CCND3: variants seen among roughly 807,000 people sequenced by gnomAD.
The protein encoded by CCND3 is G1/S-specific cyclin-D3.
CCND3 carries 9 observed loss-of-function variants against 28.7 expected under a neutral mutation model. The observed-to-expected ratio is 0.31, with a 90% CI of 0.19 to 0.55. CCND3 has a LOEUF of 0.55. Among genes scored for constraint, CCND3 ranks in the 20% least tolerant of loss-of-function variants. CCND3 has a pLI of 0.93. For missense variants in CCND3, 315 were observed against 385.8 expected (o/e 0.82, Z 1.54); for synonymous variants, 164 against 163.9 (o/e 1.00, Z 0.00).
At chr6:41,979,862 C>T (rs1262487599) in intron 1 of CCND3, among the ~76,000 whole-genome samples, 5 of 152,086 alleles carry the variant, frequency 3.3e-5, no homozygotes, top group Non-Finnish European at 7.3e-5. Context: ...CCACCAACTC[C>T]TGGTCTCAAG....
In CCND3 at chr6:41,936,370, C is replaced by G. The variant is rs1775794852; in HGVS notation, c.711+189G>C. On this transcript the variant is annotated intron_variant, in intron 4 of 4. Transcript: ENST00000372991. This position sits in a 1 kb window ranked among gnomAD's most constrained non-coding sequence, Gnocchi z 4.4. ...AAGAAAAGAACCCCTAGGGCCAGTG[C>G]CCTTCACCCCACCCAAGATACTTGC... 8 of 718,440 alleles carry G rather than the reference C, an allele frequency of 1.1e-5. No individual in the cohort carries two copies. In the Admixed American group the frequency reaches 1.5e-4, roughly 13 times the overall value. 44.5% of individuals were successfully genotyped at this position (718,440 alleles called of 1,614,324 possible). A position where few individuals can be genotyped will look rare whatever the true frequency, so the allele number is the denominator to read the frequency against.
intron 1 of CCND3, among the ~76,000 whole-genome samples, chr6:42,026,193 C>T (rs1455158545): frequency 6.6e-6 from 1 of 152,164 alleles, no homozygotes. Flanking sequence ...GCTCACATTA[C>T]ATTTGACCTT....
chr6:41,941,245 G>A lies in CCND3; in HGVS notation c.198+207C>T, dbSNP rs1776004605. 1.4e-6 allele frequency: 2 copies of A among 1,433,450 alleles called. No individual in the cohort carries two copies. Among genetic ancestry groups the A allele is most frequent in the African/African-American group, 1.4e-5 (1 of 69,590 alleles). The allele number at this position is 1,433,450 out of a possible 1,614,324, so 88.8% of individuals were successfully genotyped here. On this transcript the variant is annotated intron_variant, in intron 1 of 4. Transcript: ENST00000372991. The surrounding 1 kb of genome is among the most constrained non-coding windows in gnomAD (Gnocchi z 6.1). ...GGCACAGTTAGGGTGCCAAGTGACTGGCAGTCACTGTCGGGAGGAGCCGAT... is the reference window on the plus strand; with the variant it reads ...GGCACAGTTAGGGTGCCAAGTGACTAGCAGTCACTGTCGGGAGGAGCCGAT...
At chr6:41,947,529 C>T (rs1313635673) in intron 1 of CCND3, among the ~76,000 whole-genome samples, 1 of 152,232 alleles carries the variant, frequency 6.6e-6, no homozygotes, top group East Asian at 1.9e-4. Context: ...ATTCCTGACT[C>T]CTCTTTCTCA....
At chr6:42,047,390 T>C (rs1280796493) in intron 1 of CCND3, among the ~76,000 whole-genome samples, 2 of 152,196 alleles carry the variant, frequency 1.3e-5, no homozygotes, top group Non-Finnish European at 1.5e-5. Flanking sequence ...AGCCCCAGAA[T>C]TGAACGGCCA....
At chr6:41,983,369 C>CAA (rs1418315259) in intron 1 of CCND3, among the ~76,000 whole-genome samples, 5 of 59,732 alleles carry the variant, frequency 8.4e-5, no homozygotes, top group Non-Finnish European at 7.0e-5. Flanking sequence ...GACTCTGTCT[C>CAA]AAAAAAAAAA....
chr6:41,941,688 G>T lies in CCND3; in HGVS notation c.-39C>A, dbSNP rs933899296. 7.6e-7 allele frequency: 1 copy of T among 1,324,214 alleles called. No homozygotes were observed. The highest frequency in any genetic ancestry group is 9.7e-7 in the Non-Finnish European group (1 of 1,031,694). 82.0% of individuals were successfully genotyped at this position (1,324,214 alleles called of 1,614,324 possible). A position where few individuals can be genotyped will look rare whatever the true frequency, so the allele number is the denominator to read the frequency against. On this transcript the variant is annotated 5_prime_UTR_variant, in exon 1 of 5. Coordinates refer to ENST00000372991, the MANE Select transcript of CCND3 (RefSeq NM_001760.5). The surrounding 1 kb of genome is among the most constrained non-coding windows in gnomAD (Gnocchi z 6.1). Reference sequence around the variant, plus strand: ...ACAGGCAGGGCGGGAGTGCGGGCTCGCGAGTCCCAAGGCAGGCGACGGGCC... The same window carrying T: ...ACAGGCAGGGCGGGAGTGCGGGCTCTCGAGTCCCAAGGCAGGCGACGGGCC...
chr6:42,016,647 G>A (rs140881081), intron 1 of CCND3, among the ~76,000 whole-genome samples: 2,829 of 148,810 alleles, frequency 0.019, 84 homozygotes, highest in African/African-American at 0.066. Flanking sequence ...GTGCACTGGC[G>A]CCATCTCGGC....
At chr6:41,942,281 C>T (rs942618868), upstream of CCND3, among the ~76,000 whole-genome samples, 5 of 152,132 alleles carry the variant, frequency 3.3e-5, no homozygotes, top group Non-Finnish European at 7.4e-5. Context: ...TCAGTTGGTC[C>T]GTGGCAGAGC....
At chr6:41,940,627 G>A (rs1582088034) in intron 1 of CCND3, 42 bp from the exon 2 acceptor site, 2 of 1,452,986 alleles carry the variant, frequency 1.4e-6, no homozygotes, top group Non-Finnish European at 9.6e-7. Flanking sequence ...TGGAGCGTGG[G>A]GAACACAGCA....
chr6:41,948,269 T>G (rs1776218516), intron 1 of CCND3, among the ~76,000 whole-genome samples: 1 of 152,120 alleles, frequency 6.6e-6, no homozygotes, highest in Non-Finnish European at 1.5e-5. Context: ...GCTTGTCTAC[T>G]CCCACACCAC....
intron 1 of CCND3, among the ~76,000 whole-genome samples, chr6:41,971,817 T>C (rs1451236496): frequency 6.6e-6 from 1 of 150,378 alleles, no homozygotes; most frequent in Non-Finnish European, 1.5e-5. Flanking sequence ...GGATTACAGG[T>C]GTGAGCCACC....
chr6:41,945,015 G>C (rs1281000208), upstream of CCND3, among the ~76,000 whole-genome samples: 1 of 152,004 alleles, frequency 6.6e-6, no homozygotes, highest in Non-Finnish European at 1.5e-5. Flanking sequence ...TCTTGTTTTT[G>C]TTTTTGTTTT....
rs965741892 is a variant in CCND3 at position 42,037,785 on chromosome 6, C to G, written c.-46+10716G>C. Among the ~76,000 whole-genome samples the G allele has an allele frequency of 5.7e-4, 86 of 151,844 alleles. 1 individual carries two copies. The highest frequency in any genetic ancestry group is 2.1e-3 in the African/African-American group (85 of 41,446). On this transcript the variant is annotated intron_variant, in intron 1 of 4. Transcript: ENST00000372988. ...TAGTGGCATGCGCCTGTAATCACAG[C>G]ACTTTGGGAGGCCGAGGCGGACGGA...
At chr6:41,965,888 C>G (rs949719947) in intron 1 of CCND3, among the ~76,000 whole-genome samples, 1 of 152,136 alleles carries the variant, frequency 6.6e-6, no homozygotes, top group Non-Finnish European at 1.5e-5. Flanking sequence ...CCATTATGTA[C>G]AGATTTTACA....
upstream of CCND3, among the ~76,000 whole-genome samples, chr6:41,943,580 G>A (rs1776097993): frequency 6.6e-6 from 1 of 152,060 alleles, no homozygotes; most frequent in South Asian, 2.1e-4. Flanking sequence ...TATTTTTGTG[G>A]TAATATCTTT....
intron 1 of CCND3, among the ~76,000 whole-genome samples, chr6:42,044,912 C>T (rs1428908807): frequency 6.6e-6 from 1 of 151,264 alleles, no homozygotes; most frequent in African/African-American, 2.4e-5. Context: ...CCTCAGCCTC[C>T]TGAGTAGGTG....
intron 1 of CCND3, among the ~76,000 whole-genome samples, chr6:42,024,541 G>T (rs62415869): frequency 6.6e-6 from 1 of 152,020 alleles, no homozygotes; most frequent in African/African-American, 2.4e-5. Flanking sequence ...GTGATGAGGA[G>T]GGTCCCTCTC....
chr6:42,003,938 CAAAA>C (rs34911832), intron 1 of CCND3, among the ~76,000 whole-genome samples: 2 of 85,370 alleles, frequency 2.3e-5, no homozygotes, highest in African/African-American at 4.3e-5. Context: ...GACCCTATCT[CAAAA>C]AAAAAAAAAA....
Sources: gnomAD v4.1 joint callset for allele counts (sites outside exome capture counted in the v4.1 genomes callset) on GRCh38, gnomAD v4.1.1 for gene constraint, Gnocchi (gnomAD v3.1) non-coding constraint, MANE v1.5 for transcripts, NCBI Gene and HGNC (gene_info 2026-07-23, HGNC 2026-07-21) for gene names.